Variants in DBNDD1 observed in about 807,000 individuals in gnomAD.
The protein encoded by DBNDD1 is dysbindin domain containing 1.
In DBNDD1, 14 loss-of-function variants were observed where a neutral mutation model predicts 17.0. That is an observed-to-expected ratio of 0.82 (90% CI 0.54 to 1.29). The LOEUF (loss-of-function observed/expected upper bound fraction) is 1.29, where lower values mean the gene tolerates loss of function less well. Ranked by LOEUF, DBNDD1 falls within the 50% of genes most tolerant of loss-of-function variation. DBNDD1 has a pLI of 0.00. For synonymous variants in DBNDD1, 105 were observed against 102.0 expected, an observed-to-expected ratio of 1.03 and a Z score of -0.18; for missense variants, 221 against 216.2, an observed-to-expected ratio of 1.02 and a Z score of -0.14.
chr16:90,019,876 T>G (rs1409681044), upstream of DBNDD1: 1 of 608,006 alleles, frequency 1.6e-6, no homozygotes, highest in Non-Finnish European at 3.0e-6. This position sits in a 1 kb window ranked among gnomAD's most constrained non-coding sequence, Gnocchi z 6.1. Context: ...CAGAGCGCCC[T>G]GGATGGCGCG....
rs75538016 is a variant in DBNDD1 at position 90,008,943 on chromosome 16, C to A, written c.179-19G>T. 2.0e-3 allele frequency: 3,020 copies of A among 1,536,962 alleles called. 53 individuals carry two copies. The African/African-American group carries it at 0.037, about 19-fold the overall frequency. On this transcript the variant is annotated intron_variant, in intron 2 of 3. Coordinates refer to ENST00000002501, the MANE Select transcript of DBNDD1 (RefSeq NM_001042610.3). ...AGAGGCTCTGAGGGCAGAGGGGGTA[C>A]AGTCAGCCCTCAGGCCCTCCCACAA... is the stretch of plus-strand genomic sequence containing the variant.
intron 1 of DBNDD1, chr16:90,011,591 C>T (rs1480295212): frequency 2.2e-6 from 1 of 447,416 alleles, no homozygotes; most frequent in Non-Finnish European, 4.5e-6. Flanking sequence ...TGCCTCCTGT[C>T]TGAGAAGCCG....
Position 90,009,438 on chromosome 16 carries a change from C to A in DBNDD1, c.32-8G>T. 1 of 1,609,476 alleles carries A rather than the reference C, an allele frequency of 6.2e-7. No individual in the cohort carries two copies. The highest frequency in any genetic ancestry group is 8.5e-7 in the Non-Finnish European group (1 of 1,179,960). ...CAGCCTCCTTAACGATCTCTGCATC[C>A]AAAGACACAGTGTCACCTTGAGATC... On this transcript the variant is annotated splice_polypyrimidine_tract_variant and splice_region_variant and intron_variant, in intron 1 of 3. Coordinates refer to ENST00000002501, the MANE Select transcript of DBNDD1 (RefSeq NM_001042610.3).
chr16:90,005,957 C>G lies in DBNDD1; in HGVS notation c.*378G>C. On this transcript the variant is annotated 3_prime_UTR_variant, in exon 4 of 4. Coordinates refer to ENST00000002501, the MANE Select transcript of DBNDD1 (RefSeq NM_001042610.3). ...GTCACAGGCCTGGGTCCCCTTCACC[C>G]CAAGGCCGCCGTGGGCCACTCCATT... The G allele has an allele frequency of 5.2e-6, 1 of 193,832 alleles. No individual in the cohort carries two copies. The highest frequency in any genetic ancestry group is 1.1e-5 in the Non-Finnish European group (1 of 90,960). The allele number at this position is 193,832 out of a possible 1,614,324, so 12.0% of individuals were successfully genotyped here.
rs139702000 is a variant in DBNDD1, at chr16:90,015,334, G to A, written c.31+3977C>T. Reference sequence around the variant, plus strand: ...CACGATGGATCTTGGCATGAAGAGCGTGCAGCTGCTATAAGGCATGCTCGT... The same window carrying A: ...CACGATGGATCTTGGCATGAAGAGCATGCAGCTGCTATAAGGCATGCTCGT... On this transcript the variant is annotated intron_variant, in intron 1 of 3. Transcript: ENST00000002501. 3.3e-5 allele frequency among the ~76,000 whole-genome samples: 5 copies of A among 152,332 alleles called. No individual in the cohort carries two copies. In the East Asian group the frequency reaches 5.8e-4, roughly 18 times the overall value.
At chr16:90,017,620 C>T (rs1597585728) in intron 1 of DBNDD1, among the ~76,000 whole-genome samples, 1 of 152,182 alleles carries the variant, frequency 6.6e-6, no homozygotes, top group Non-Finnish European at 1.5e-5. Flanking sequence ...AGGCTGTGGG[C>T]CTGGGGGCTG....
At chr16:90,011,009 C>T (rs148164763) in intron 1 of DBNDD1, among the ~76,000 whole-genome samples, 1,902 of 152,352 alleles carry the variant, frequency 0.012, 49 homozygotes, top group African/African-American at 0.043. Flanking sequence ...CTGGACCCTG[C>T]ATGGCAGGGG....
Position 90,006,499 on chromosome 16 carries a change from G to T in DBNDD1, c.320-7C>A. On this transcript the variant is annotated splice_region_variant and splice_polypyrimidine_tract_variant and intron_variant, in intron 3 of 3. Transcript: ENST00000002501. The stretch of plus-strand genomic sequence containing the variant: ...CGGGGCAGCGGGTGCAGACCTAGGG[G>T]CATGCGGGAAGGGGAACTCGGTGTG... The T allele has an allele frequency of 6.3e-7, 1 of 1,595,126 alleles. No individual in the cohort carries two copies. Among genetic ancestry groups the T allele is most frequent in the East Asian group, 2.2e-5 (1 of 44,766 alleles).
Position 90,006,495 on chromosome 16 carries a change from A to G in DBNDD1, c.320-3T>C, listed in dbSNP as rs1307855886. ...GGCCCGGGGCAGCGGGTGCAGACCT[A>G]GGGGCATGCGGGAAGGGGAACTCGG... On this transcript the variant is annotated splice_region_variant and splice_polypyrimidine_tract_variant and intron_variant, in intron 3 of 3. Transcript: ENST00000002501. The G allele has an allele frequency of 6.3e-7, 1 of 1,596,054 alleles. No individual in the cohort carries two copies. The highest frequency in any genetic ancestry group is 1.1e-5 in the South Asian group (1 of 90,910).
At chr16:90,009,228 CTT>C in intron 2 of DBNDD1, 54 bp downstream of exon 2, 1 of 1,603,350 alleles carries the variant, frequency 6.2e-7, no homozygotes, top group Non-Finnish European at 8.5e-7. Flanking sequence ...TGCCTTGTCT[CTT>C]GGGGGAGCTC....
intron 1 of DBNDD1, among the ~76,000 whole-genome samples, chr16:90,010,418 A>G (rs1597580136): frequency 7.6e-6 from 1 of 131,488 alleles, no homozygotes; most frequent in East Asian, 2.2e-4. Flanking sequence ...ACCAGGCTGG[A>G]GTGCAGTGGC....
At chr16:90,011,706 G>C (rs1452199175) in intron 1 of DBNDD1, 2 of 454,806 alleles carry the variant, frequency 4.4e-6, no homozygotes, top group Non-Finnish European at 8.8e-6. Context: ...TCTGGAATGA[G>C]GTTTCTGAGC....
chr16:90,009,819 T>A (rs79690969), intron 1 of DBNDD1: 49,729 of 866,634 alleles, frequency 0.057, 1,748 homozygotes, highest in Admixed American at 0.095. Context: ...GGATCGCCCA[T>A]GGATTTCCAT....
chr16:90,013,228 C>T (rs967576041), intron 1 of DBNDD1, among the ~76,000 whole-genome samples: 1 of 130,324 alleles, frequency 7.7e-6, no homozygotes, highest in African/African-American at 3.0e-5. Flanking sequence ...GTGATCGTGC[C>T]ATCCAGCTTG....
At chr16:90,008,628 A>G (rs1389437660) in intron 3 of DBNDD1, among the ~76,000 whole-genome samples, 156 bp downstream of exon 3, 18 of 93,692 alleles carry the variant, frequency 1.9e-4, no homozygotes, top group African/African-American at 5.9e-4. Context: ...CCCACCACCC[A>G]CACCTCCCAG....
In DBNDD1 at chr16:90,006,321, C is replaced by T. The variant is rs1170939746; in HGVS notation, c.*14G>A. ...GACCCCATCCCTGCAGGAGCTGGGGCAGGTGGAGATGGTCTAGTCCTCCTG... is the reference window on the plus strand; with the variant it reads ...GACCCCATCCCTGCAGGAGCTGGGGTAGGTGGAGATGGTCTAGTCCTCCTG... On this transcript the variant is annotated 3_prime_UTR_variant, in exon 4 of 4. Transcript: ENST00000002501. 1.9e-6 allele frequency: 3 copies of T among 1,596,422 alleles called. No individual in the cohort carries two copies. The highest frequency in any genetic ancestry group is 3.4e-5 in the Admixed American group (2 of 58,460).
intron 1 of DBNDD1, chr16:90,009,800 T>G: frequency 1.3e-6 from 1 of 769,898 alleles, no homozygotes; most frequent in Non-Finnish European, 2.1e-6. Flanking sequence ...CGGCCCAGGG[T>G]CCCCTGAAGG....
chr16:90,005,878 G>A lies in DBNDD1; in HGVS notation c.*457C>T, dbSNP rs1016930309. 5.5e-5 allele frequency: 9 copies of A among 164,422 alleles called. No homozygotes were observed. The highest frequency in any genetic ancestry group is 2.9e-4 in the Admixed American group (5 of 17,516). 10.2% of individuals were successfully genotyped at this position (164,422 alleles called of 1,614,324 possible). On this transcript the variant is annotated 3_prime_UTR_variant, in exon 4 of 4. Coordinates refer to ENST00000002501, the MANE Select transcript of DBNDD1 (RefSeq NM_001042610.3). Reference sequence around the variant, plus strand: ...AACCCGCCTCTGGCTTCTGAGCTTGGCAGCACAGGAAAACGCGGAGGTTGG... The same window carrying A: ...AACCCGCCTCTGGCTTCTGAGCTTGACAGCACAGGAAAACGCGGAGGTTGG...
chr16:90,010,618 C>T (rs926237633), intron 1 of DBNDD1, among the ~76,000 whole-genome samples: 8 of 151,952 alleles, frequency 5.3e-5, no homozygotes, highest in Admixed American at 1.3e-4. Context: ...CATGAGCCAC[C>T]GTGCCTGGCC....
Sources: allele counts gnomAD v4.1 joint callset (sites outside exome capture counted in the v4.1 genomes callset), GRCh38; gene constraint gnomAD v4.1.1; non-coding constraint Gnocchi (gnomAD v3.1); transcripts MANE v1.5; gene names NCBI Gene and HGNC (gene_info 2026-07-23, HGNC 2026-07-21).